The following WNT16 variants were observed in gnomAD, a reference collection of about 807,000 sequenced individuals.
WNT16 encodes Wnt family member 16, also known as protein Wnt-16.
In WNT16, 20 loss-of-function variants were observed where a neutral mutation model predicts 35.4. That is an observed-to-expected ratio of 0.56 (90% CI 0.40 to 0.82). The LOEUF is 0.82. Ranked by LOEUF, WNT16 falls within the 40% of genes least tolerant of loss-of-function variation. The pLI is 0.00. For synonymous variants in WNT16, 180 were observed against 179.2 expected (o/e 1.00, Z -0.03); for missense variants, 461 against 466.0 (o/e 0.99, Z 0.10).
intron 3 of WNT16, among the ~76,000 whole-genome samples, chr7:121,336,456 A>G (rs1185539275): frequency 6.6e-6 from 1 of 152,152 alleles, no homozygotes; most frequent in African/African-American, 2.4e-5. Flanking sequence ...AAATCTTTCT[A>G]TAATTTCAAT....
upstream of WNT16, among the ~76,000 whole-genome samples, chr7:121,327,188 A>G (rs1355457099): frequency 6.6e-6 from 1 of 151,752 alleles, no homozygotes; most frequent in Non-Finnish European, 1.5e-5. Context: ...CATCAACTTG[A>G]CTCCTCGACT....
intron 2 of WNT16, 38 bp downstream of exon 2, chr7:121,329,855 A>G: frequency 6.3e-7 from 1 of 1,588,946 alleles, no homozygotes; most frequent in Non-Finnish European, 8.5e-7. Context: ...GGGGGACGGA[A>G]GGCGACAACT....
At chr7:121,336,536 T>G (rs775020351) in intron 3 of WNT16, among the ~76,000 whole-genome samples, 16 of 152,160 alleles carry the variant, frequency 1.1e-4, no homozygotes, top group Non-Finnish European at 1.9e-4. Context: ...CGTGTTGTAG[T>G]GCATAACTTT....
intron 3 of WNT16, among the ~76,000 whole-genome samples, chr7:121,336,677 C>T (rs1326824754): frequency 6.6e-6 from 1 of 152,192 alleles, no homozygotes; most frequent in Non-Finnish European, 1.5e-5. Context: ...ATTACTCCCT[C>T]TTGATTCAGT....
rs376388838 is a variant in WNT16, at chr7:121,339,299, G to A, written c.1052G>A (p.Arg351His). The A allele has an allele frequency of 1.4e-4, 227 of 1,613,786 alleles. No homozygotes were observed. The highest frequency in any genetic ancestry group is 1.8e-4 in the Non-Finnish European group (209 of 1,180,000). The change falls in exon 4 of 4, where the codon CGT becomes CAT. Residue 351 changes from arginine to histidine, a missense_variant. Physicochemically the swap from Arg to His is conservative, Grantham distance 29. Transcript: ENST00000222462. ...AAGTTCATCTGGTGCTGCTATGTCC[G>A]TTGCAGGAGGTGTGAAAGCATGACT... ...ECKFIWCCYV[R>H]CRRCESMTDV...
At chr7:121,327,774 G>T (rs1292739475), upstream of WNT16, among the ~76,000 whole-genome samples, 2 of 152,188 alleles carry the variant, frequency 1.3e-5, no homozygotes, top group Admixed American at 6.5e-5. Flanking sequence ...AACATTTCTT[G>T]TGTCTAATTA....
chr7:121,327,506 A>C (rs962460997), upstream of WNT16, among the ~76,000 whole-genome samples: 1 of 151,950 alleles, frequency 6.6e-6, no homozygotes, highest in African/African-American at 2.4e-5. Flanking sequence ...ATGCACCACC[A>C]CACCCAAATA....
chr7:121,333,565 G>T (rs2116838392), intron 3 of WNT16, among the ~76,000 whole-genome samples: 1 of 151,954 alleles, frequency 6.6e-6, no homozygotes, highest in Non-Finnish European at 1.5e-5. Context: ...AAAAATAAAT[G>T]ACTGAGATGT....
Position 121,339,416 on chromosome 7 carries a change from C to T in WNT16, c.*71C>T. 2.2e-6 allele frequency: 3 copies of T among 1,395,210 alleles called. No individual in the cohort carries two copies. Among genetic ancestry groups the T allele is most frequent in the Non-Finnish European group, 2.9e-6 (3 of 1,020,832 alleles). 86.4% of individuals were successfully genotyped at this position (1,395,210 alleles called of 1,614,324 possible). ...GCATTGCAACCAGAGAGGTGCCCATCCCTGTGCAGCGCTAGTAAAGTTGAC... is the reference window on the plus strand; with the variant it reads ...GCATTGCAACCAGAGAGGTGCCCATTCCTGTGCAGCGCTAGTAAAGTTGAC... On this transcript the variant is annotated 3_prime_UTR_variant, in exon 4 of 4. Coordinates refer to ENST00000222462, the MANE Select transcript of WNT16 (RefSeq NM_057168.2).
In WNT16 at chr7:121,329,330, G is replaced by A. The variant is rs774860853; in HGVS notation, c.38G>A (p.Cys13Tyr). Residue 13 changes from cysteine to tyrosine, a missense_variant, in exon 1 of 4, where the codon TGC (cysteine) becomes TAC (tyrosine). Cys to Tyr is a radical substitution (Grantham distance 194, BLOSUM62 -2). Coordinates refer to ENST00000222462, the MANE Select transcript of WNT16 (RefSeq NM_057168.2). ...GCGCTCCTGGGACTGGCCCGCTTGT[G>A]CGCGCTGTGGGCAGCCCTGCTCGTG... ...RAALLGLARL[C>Y]ALWAALLVLF... 1 of 1,598,194 alleles carries A rather than the reference G, an allele frequency of 6.3e-7. No homozygotes were observed. Among genetic ancestry groups the A allele is most frequent in the South Asian group, 1.1e-5 (1 of 88,996 alleles).
At chr7:121,336,988 G>C (rs1408829736) in intron 3 of WNT16, among the ~76,000 whole-genome samples, 1 of 152,156 alleles carries the variant, frequency 6.6e-6, no homozygotes, top group African/African-American at 2.4e-5. Context: ...CACTGATTGA[G>C]CTTTTTCTCG....
rs147148415 is a variant in WNT16, at chr7:121,330,368, T to C, written c.346+551T>C. The stretch of plus-strand genomic sequence containing the variant: ...GTGCGGCTAACCTGAGCAGGACCAC[T>C]TGTGCGCTTCTCGTTTCTTTGGCTT... On this transcript the variant is annotated intron_variant, in intron 2 of 3. Transcript: ENST00000222462. 6.6e-5 allele frequency among the ~76,000 whole-genome samples: 10 copies of C among 152,362 alleles called. No homozygotes were observed. In the East Asian group the frequency reaches 7.7e-4, roughly 12 times the overall value.
chr7:121,333,920 T>G (rs1293468686), intron 3 of WNT16, among the ~76,000 whole-genome samples: 1 of 152,012 alleles, frequency 6.6e-6, no homozygotes, highest in Non-Finnish European at 1.5e-5. Flanking sequence ...ATATTTTTAT[T>G]AGTAACATTC....
rs906780980 is a variant in WNT16, at chr7:121,339,487, A to G, written c.*142A>G. 1 of 675,600 alleles carries G rather than the reference A, an allele frequency of 1.5e-6. No individual in the cohort carries two copies. The allele number at this position is 675,600 out of a possible 1,614,324, so 41.9% of individuals were successfully genotyped here. On this transcript the variant is annotated 3_prime_UTR_variant, in exon 4 of 4. Transcript: ENST00000222462. ...AACCTTGGACCTGAGAGTTTCCCTT[A>G]CCTGATCGACATATTTTCCTTTATC...
chr7:121,339,440 A>G lies in WNT16; in HGVS notation c.*95A>G, dbSNP rs936741463. 8.6e-6 allele frequency: 10 copies of G among 1,169,574 alleles called. No individual in the cohort carries two copies. In the African/African-American group the frequency reaches 1.5e-4, roughly 18 times the overall value. The allele number at this position is 1,169,574 out of a possible 1,614,324, so 72.4% of individuals were successfully genotyped here. A position where few individuals can be genotyped will look rare whatever the true frequency, so the allele number is the denominator to read the frequency against. On this transcript the variant is annotated 3_prime_UTR_variant, in exon 4 of 4. Transcript: ENST00000222462. The stretch of plus-strand genomic sequence containing the variant: ...TCCCTGTGCAGCGCTAGTAAAGTTG[A>G]CTCTTGCAGTGGAATCCCTAGAACC...
At chr7:121,331,653 A>C in intron 2 of WNT16, 25 bp from the exon 3 acceptor site, 1 of 1,595,528 alleles carries the variant, frequency 6.3e-7, no homozygotes, top group Non-Finnish European at 8.6e-7. Flanking sequence ...TGGTTCTCTA[A>C]TTTAGCAATT....
upstream of WNT16, among the ~76,000 whole-genome samples, chr7:121,327,651 C>T (rs1286818459): frequency 6.6e-6 from 1 of 152,056 alleles, no homozygotes; most frequent in East Asian, 1.9e-4. Flanking sequence ...CACCTGGCCC[C>T]AAATCCTTTA....
rs747813655 is a variant in WNT16, at chr7:121,339,082, A to G, written c.835A>G (p.Ile279Val). ...AGAAAAAGATCAGAGGAAAATACCA[A>G]TCCATAAGGATGATCTGCTCTATGT... The part of the protein sequence containing the change: ...RREKDQRKIP[I>V]HKDDLLYVNK... Residue 279 changes from isoleucine (I) to valine (V), a missense_variant, in exon 4 of 4, where the codon ATC becomes GTC. By Grantham distance (29) the Ile-to-Val change is conservative. Transcript: ENST00000222462. The G allele has an allele frequency of 3.7e-6, 6 of 1,614,062 alleles. No individual in the cohort carries two copies. In the African/African-American group the frequency reaches 4.0e-5, roughly 11 times the overall value.
At chr7:121,336,417 T>G (rs1040870570) in intron 3 of WNT16, among the ~76,000 whole-genome samples, 1 of 152,244 alleles carries the variant, frequency 6.6e-6, no homozygotes, top group African/African-American at 2.4e-5. Flanking sequence ...TCCATGTATG[T>G]ATTCAAAAGG....
Sources: allele counts gnomAD v4.1 joint callset (sites outside exome capture counted in the v4.1 genomes callset), GRCh38; gene constraint gnomAD v4.1.1; transcripts MANE v1.5; gene names NCBI Gene and HGNC (gene_info 2026-07-23, HGNC 2026-07-21).